The following PHLDB2 variants were observed in gnomAD, a reference collection of about 807,000 sequenced individuals.
PHLDB2 encodes pleckstrin homology-like domain family B member 2.
Under a neutral mutation model 123.6 loss-of-function variants are expected in PHLDB2, and 71 were observed. The ratio of observed to expected loss-of-function variants is 0.57; its 90% CI spans 0.47 to 0.70. PHLDB2 has a LOEUF of 0.70. PHLDB2 is among the 30% of genes least tolerant of loss of function. The probability of loss-of-function intolerance (pLI) is 0.00; values close to 1 mark genes in which losing one functional copy is unlikely to be tolerated. For synonymous variants in PHLDB2, 547 were observed against 541.6 expected (o/e 1.01, Z -0.14); for missense variants, 1,446 against 1,519.5 (o/e 0.95, Z 0.80).
chr3:111,913,981 A>T (rs1007651556), intron 3 of PHLDB2: 86 of 399,620 alleles, frequency 2.2e-4, no homozygotes, highest in African/African-American at 1.6e-3. Flanking sequence ...AGTGATAAGC[A>T]GGTGTAAAAC....
chr3:111,775,479 T>C (rs941185171), intron 1 of PHLDB2, among the ~76,000 whole-genome samples: 1 of 152,132 alleles, frequency 6.6e-6, no homozygotes, highest in African/African-American at 2.4e-5. Flanking sequence ...AAATTTGATA[T>C]AGCCCAAAGC....
chr3:111,774,049 C>T (rs6786292), intron 1 of PHLDB2, among the ~76,000 whole-genome samples: 65,614 of 152,102 alleles, frequency 0.43, 17,415 homozygotes, highest in East Asian at 0.77. Flanking sequence ...TAGCTGAGCT[C>T]TATAAACACC....
chr3:111,761,741 C>T (rs1270540021), intron 1 of PHLDB2, among the ~76,000 whole-genome samples: 2 of 152,146 alleles, frequency 1.3e-5, no homozygotes, highest in African/African-American at 2.4e-5. Flanking sequence ...CTAACAAGTT[C>T]CCAGGTGATG....
At chr3:111,908,574 C>T (rs1406458471) in intron 2 of PHLDB2, among the ~76,000 whole-genome samples, 6 of 152,174 alleles carry the variant, frequency 3.9e-5, no homozygotes, top group Non-Finnish European at 4.4e-5. Context: ...GAATTATGCC[C>T]TGGCTGTTGT....
At chr3:111,906,884 A>G (rs1435050531) in intron 2 of PHLDB2, among the ~76,000 whole-genome samples, 1 of 152,188 alleles carries the variant, frequency 6.6e-6, no homozygotes, top group Non-Finnish European at 1.5e-5. Flanking sequence ...ATACATGCAC[A>G]TGCTATTTAA....
chr3:111,961,517 GTAAT>G (rs1287505088), intron 12 of PHLDB2, among the ~76,000 whole-genome samples: 1 of 152,032 alleles, frequency 6.6e-6, no homozygotes, highest in African/African-American at 2.4e-5. Context: ...AATTAAATAA[GTAAT>G]TGACAGACAA....
At chr3:111,964,430 T>C (rs958582429) in intron 13 of PHLDB2, among the ~76,000 whole-genome samples, 1 of 152,016 alleles carries the variant, frequency 6.6e-6, no homozygotes, top group Non-Finnish European at 1.5e-5. Context: ...ACCTCTGTCT[T>C]GCAGGTTCAA....
chr3:111,875,443 C>T (rs993473121), intron 1 of PHLDB2, among the ~76,000 whole-genome samples: 1 of 151,894 alleles, frequency 6.6e-6, no homozygotes, highest in Non-Finnish European at 1.5e-5. Flanking sequence ...AGGCACCACG[C>T]CTGGCAAAGG....
Position 111,945,262 on chromosome 3 carries a change from C to A in PHLDB2, c.2398-6C>A, listed in dbSNP as rs751219078. Reference sequence around the variant, plus strand: ...TTTAAGTTTAATAGGTTTTGTATTCCTTCAGGAAAAGGAGAATCTTTGTAA... The same window carrying A: ...TTTAAGTTTAATAGGTTTTGTATTCATTCAGGAAAAGGAGAATCTTTGTAA... On this transcript the variant is annotated splice_region_variant and splice_polypyrimidine_tract_variant and intron_variant, in intron 8 of 17. Transcript: ENST00000431670. The A allele has an allele frequency of 6.3e-7, 1 of 1,595,886 alleles. No homozygotes were observed. Among genetic ancestry groups the A allele is most frequent in the East Asian group, 2.2e-5 (1 of 44,758 alleles).
chr3:111,735,495 T>C (rs1480037693), intron 1 of PHLDB2, among the ~76,000 whole-genome samples: 1 of 152,204 alleles, frequency 6.6e-6, no homozygotes, highest in East Asian at 1.9e-4. Flanking sequence ...AGAAATGCCA[T>C]CATGAAATGA....
At chr3:111,869,603 ATG>A (rs1014216524) in intron 1 of PHLDB2, among the ~76,000 whole-genome samples, 2 of 152,072 alleles carry the variant, frequency 1.3e-5, no homozygotes, top group Non-Finnish European at 2.9e-5. Flanking sequence ...AATTCCGAGG[ATG>A]TGTCTTGTCT....
At position 111,940,640 on chromosome 3, in the gene PHLDB2, C is replaced by G. The variant is rs1207933605; in HGVS notation, c.2392C>G (p.Gln798Glu). Residue 798 changes from glutamine (Q) to glutamate (E), a missense_variant, in exon 8 of 18, where the codon CAA becomes GAA. Coordinates refer to ENST00000431670, the MANE Select transcript of PHLDB2 (RefSeq NM_001134438.2). Reference protein sequence around the residue: ...KEKNNLIMMLQREKENLCNLE... With the variant: ...KEKNNLIMMLEREKENLCNLE... ...AAAGAATAATTTAATAATGATGTTG[C>G]AAAGAGTAAGTATTTCCTTTTCAGC... is the stretch of plus-strand genomic sequence containing the variant. 6.4e-7 allele frequency: 1 copy of G among 1,569,312 alleles called. No homozygotes were observed.
chr3:111,939,705 G>T lies in PHLDB2; in HGVS notation c.2286+75G>T, dbSNP rs1056178892. On this transcript the variant is annotated intron_variant, in intron 7 of 17. Transcript: ENST00000431670. ...CTTAACATAGCTATGACATATGTCTGTCTGAATATCACATTTGACAGATTA... is the reference window on the plus strand; with the variant it reads ...CTTAACATAGCTATGACATATGTCTTTCTGAATATCACATTTGACAGATTA... The T allele has an allele frequency of 3.6e-6, 5 of 1,405,680 alleles. No homozygotes were observed. The Admixed American group carries it at 8.4e-5, about 24-fold the overall frequency. The allele number at this position is 1,405,680 out of a possible 1,614,324, so 87.1% of individuals were successfully genotyped here.
intron 1 of PHLDB2, among the ~76,000 whole-genome samples, chr3:111,747,342 A>T (rs1576498934): frequency 6.6e-6 from 1 of 152,146 alleles, no homozygotes; most frequent in African/African-American, 2.4e-5. Context: ...TTTGGGAAAC[A>T]CCTTGCTAAA....
At chr3:111,962,450 G>GT (rs2071461953) in intron 13 of PHLDB2, 138 bp downstream of exon 13, 3 of 678,556 alleles carry the variant, frequency 4.4e-6, no homozygotes, top group Admixed American at 3.4e-5. Flanking sequence ...GCAGAAGAGG[G>GT]TTGGTATCAT....
rs1373076108 is a variant in PHLDB2 at position 111,845,373 on chromosome 3, A to C, written c.-48-448A>C. 1.0e-4 allele frequency among the ~76,000 whole-genome samples: 15 copies of C among 150,100 alleles called. No homozygotes were observed. In the East Asian group the frequency reaches 1.9e-3, roughly 19 times the overall value. Reference sequence around the variant, plus strand: ...CTGTCTCAAAAAAAAAAAAAAAAAAAAAAAAAAAAAAACTATGGGATTTGT... The same window carrying C: ...CTGTCTCAAAAAAAAAAAAAAAAAACAAAAAAAAAAAACTATGGGATTTGT... On this transcript the variant is annotated intron_variant, in intron 1 of 17. Transcript: ENST00000393923.
At chr3:111,853,873 CAA>C (rs35423122) in intron 2 of PHLDB2, among the ~76,000 whole-genome samples, 87 of 147,864 alleles carry the variant, frequency 5.9e-4, no homozygotes, top group Admixed American at 9.4e-4. Context: ...ACTCCATCTC[CAA>C]AAAAAAAAAA....
At chr3:111,939,861 C>T (rs1301029258) in intron 7 of PHLDB2, among the ~76,000 whole-genome samples, 1 of 152,166 alleles carries the variant, frequency 6.6e-6, no homozygotes, top group Admixed American at 6.5e-5. Context: ...AAAACCAAGG[C>T]ATAGAAAATC....
chr3:111,932,839 A>G (rs1254298189), intron 6 of PHLDB2, among the ~76,000 whole-genome samples: 2 of 152,186 alleles, frequency 1.3e-5, no homozygotes, highest in East Asian at 1.9e-4. Context: ...ACCAGCAGCT[A>G]TTCTTTTGTG....
Sources: allele counts gnomAD v4.1 joint callset (sites outside exome capture counted in the v4.1 genomes callset), GRCh38; gene constraint gnomAD v4.1.1; transcripts MANE v1.5; gene names NCBI Gene and HGNC (gene_info 2026-07-23, HGNC 2026-07-21).